GRM1: variants seen among roughly 807,000 people sequenced by gnomAD.
GRM1 encodes metabotropic glutamate receptor 1.
GRM1 carries 33 observed loss-of-function variants against 90.9 expected under a neutral mutation model. That is an observed-to-expected ratio of 0.36 (90% CI 0.28 to 0.49). The LOEUF (loss-of-function observed/expected upper bound fraction) is 0.49. GRM1 is among the 20% of genes least tolerant of loss of function. The pLI is 0.99. For synonymous variants in GRM1, 700 were observed against 613.2 expected (o/e 1.14, Z -2.09); for missense variants, 1,190 against 1,534.3 (o/e 0.78, Z 3.75).
chr6:146,430,802 C>T (rs903690568), intron 7 of GRM1, among the ~76,000 whole-genome samples: 1 of 152,154 alleles, frequency 6.6e-6, no homozygotes, highest in Non-Finnish European at 1.5e-5. Context: ...ACTAAATATA[C>T]CTCTCTTCAC....
chr6:146,204,807 G>A (rs186753844), intron 2 of GRM1, among the ~76,000 whole-genome samples: 3 of 152,268 alleles, frequency 2.0e-5, no homozygotes, highest in African/African-American at 7.2e-5. Flanking sequence ...TTTTGTGCAC[G>A]CAGAGTTCTG....
intron 1 of GRM1, among the ~76,000 whole-genome samples, chr6:146,131,984 G>A (rs987560159): frequency 6.6e-6 from 1 of 152,136 alleles, no homozygotes; most frequent in Admixed American, 6.5e-5. Context: ...CAAAGCCAAA[G>A]GAAACAAATG....
intron 7 of GRM1, chr6:146,426,750 G>T: frequency 4.6e-6 from 3 of 653,236 alleles, no homozygotes; most frequent in South Asian, 1.8e-5. Flanking sequence ...CCATCAGAAT[G>T]AAGAATTCAT....
intron 7 of GRM1, chr6:146,426,623 C>T (rs1330953325): frequency 1.3e-6 from 2 of 1,518,896 alleles, no homozygotes; most frequent in East Asian, 4.5e-5. Context: ...GCTTTGAAAA[C>T]CCCCACACTG....
intron 5 of GRM1, among the ~76,000 whole-genome samples, chr6:146,372,092 T>A (rs2115095764): frequency 6.6e-6 from 1 of 152,296 alleles, no homozygotes; most frequent in South Asian, 2.1e-4. Context: ...TGTACAAGGA[T>A]TCCGTTTTCT....
chr6:146,268,186 C>T (rs1275856257), intron 2 of GRM1, among the ~76,000 whole-genome samples: 1 of 152,098 alleles, frequency 6.6e-6, no homozygotes, highest in African/African-American at 2.4e-5. Context: ...TTTGTTTTTA[C>T]TTAGTAAGGT....
chr6:146,070,616 G>C (rs1562443774), intron 1 of GRM1, among the ~76,000 whole-genome samples: 1 of 152,048 alleles, frequency 6.6e-6, no homozygotes, highest in Non-Finnish European at 1.5e-5. Context: ...TACTATACCA[G>C]GTAGATTAGT....
intron 1 of GRM1, among the ~76,000 whole-genome samples, chr6:146,035,677 G>A (rs552258382): frequency 3.3e-4 from 50 of 151,704 alleles, no homozygotes; most frequent in Non-Finnish European, 5.5e-4. Context: ...TTTACCTTGC[G>A]CTGGAATATG....
intron 6 of GRM1, among the ~76,000 whole-genome samples, chr6:146,397,301 C>T (rs372419401): frequency 1.5e-4 from 23 of 151,570 alleles, no homozygotes; most frequent in East Asian, 1.2e-3. Flanking sequence ...AGTGAAACCC[C>T]GTCTCTAGTA....
intron 2 of GRM1, among the ~76,000 whole-genome samples, chr6:146,282,076 T>A (rs968224468): frequency 2.0e-5 from 3 of 152,140 alleles, no homozygotes; most frequent in Non-Finnish European, 4.4e-5. Flanking sequence ...TTTGAATGGG[T>A]CTTTCAAGAG....
chr6:146,126,200 A>G (rs937255164), intron 1 of GRM1, among the ~76,000 whole-genome samples: 2 of 152,104 alleles, frequency 1.3e-5, no homozygotes, highest in Non-Finnish European at 2.9e-5. Flanking sequence ...TATTTGAACC[A>G]CCACTTGAAA....
chr6:146,335,278 C>T lies in GRM1; in HGVS notation c.1187-16972C>T, dbSNP rs185100982. On this transcript the variant is annotated intron_variant, in intron 3 of 7. Transcript: ENST00000282753. ...AATTTGTATTTATGTAATGTTCTTT[C>T]TTCCAGCTGGTTCAAAGTACCTAAC... Among the ~76,000 whole-genome samples the T allele has an allele frequency of 8.5e-5, 13 of 152,210 alleles. No homozygotes were observed. In the East Asian group the frequency reaches 2.5e-3, roughly 29 times the overall value.
intron 2 of GRM1, among the ~76,000 whole-genome samples, chr6:146,223,551 A>G (rs891333156): frequency 1.3e-5 from 2 of 152,090 alleles, no homozygotes; most frequent in African/African-American, 4.8e-5. Context: ...TTCATGCCAA[A>G]AGGAGGAAAC....
rs532434742 is a variant in GRM1, at chr6:146,060,370, C to T, written c.700+30153C>T. ...CCCGGGTAATAAGGATAGTACCCAA[C>T]AGGTAGTCTTTTGATCCTCACCCTC... On this transcript the variant is annotated intron_variant, in intron 1 of 7. Transcript: ENST00000282753. Among the ~76,000 whole-genome samples the T allele has an allele frequency of 2.4e-4, 36 of 152,016 alleles. No homozygotes were observed. In the South Asian group the frequency reaches 4.0e-3, roughly 17 times the overall value.
chr6:146,388,561 G>C (rs1405798268), intron 6 of GRM1, among the ~76,000 whole-genome samples: 1 of 152,072 alleles, frequency 6.6e-6, no homozygotes, highest in African/African-American at 2.4e-5. Context: ...GAAAGCTTTT[G>C]TAAGTCACCT....
At chr6:146,312,007 G>T (rs186558179) in intron 3 of GRM1, among the ~76,000 whole-genome samples, 17 of 152,020 alleles carry the variant, frequency 1.1e-4, no homozygotes, top group Admixed American at 1.0e-3. Flanking sequence ...TTTTAATTTT[G>T]AGAAGGATCT....
intron 2 of GRM1, among the ~76,000 whole-genome samples, chr6:146,259,934 C>G (rs1781623414): frequency 6.7e-6 from 1 of 149,096 alleles, no homozygotes; most frequent in South Asian, 2.1e-4. Context: ...ATTCCAATTT[C>G]TACACATCCT....
intron 6 of GRM1, among the ~76,000 whole-genome samples, chr6:146,394,601 T>G (rs1018160287): frequency 6.6e-6 from 1 of 152,136 alleles, no homozygotes; most frequent in Non-Finnish European, 1.5e-5. Context: ...CAAGGTTCCC[T>G]TTCATTTTTC....
intron 7 of GRM1, among the ~76,000 whole-genome samples, chr6:146,417,589 G>A (rs909975840): frequency 1.3e-5 from 2 of 152,100 alleles, no homozygotes; most frequent in East Asian, 1.9e-4. Flanking sequence ...AGCTATTAAC[G>A]CCTCTGCTTC....
Sources: gnomAD v4.1 joint callset for allele counts (sites outside exome capture counted in the v4.1 genomes callset) on GRCh38, gnomAD v4.1.1 for gene constraint, MANE v1.5 for transcripts, NCBI Gene and HGNC (gene_info 2026-07-23, HGNC 2026-07-21) for gene names.